DEFB123: variants seen among roughly 807,000 people sequenced by gnomAD.
DEFB123 encodes the protein beta-defensin 123.
For synonymous variants in DEFB123, 22 were observed against 28.3 expected, an observed-to-expected ratio of 0.78 and a Z score of 0.71; for missense variants, 71 against 75.0, an observed-to-expected ratio of 0.95 and a Z score of 0.20.
chr20:31,447,356 T>C (rs1600553331), intron 1 of DEFB123, among the ~76,000 whole-genome samples: 1 of 152,324 alleles, frequency 6.6e-6, no homozygotes, highest in Non-Finnish European at 1.5e-5. Context: ...TCTGATTCTC[T>C]TTACTCCTTT....
At chr20:31,449,767 CAAAAAAAAAA>C (rs59939526) in intron 1 of DEFB123, among the ~76,000 whole-genome samples, 1 of 52,484 alleles carries the variant, frequency 1.9e-5, no homozygotes, top group African/African-American at 5.4e-5. Context: ...AGACTCATCT[CAAAAAAAAAA>C]AAAAAAAAAA....
At position 31,445,255 on chromosome 20, in the gene DEFB123, A is replaced by C. The variant is rs574203102; in HGVS notation, c.58+4499A>C. On this transcript the variant is annotated intron_variant, in intron 1 of 1. Coordinates refer to ENST00000376309, the MANE Select transcript of DEFB123 (RefSeq NM_153324.4). ...TATGTTCTTTCATTAGGAGGCACAT[A>C]ATATCTGGTTGTCTGTCTTTTAGGA... 2.0e-4 allele frequency among the ~76,000 whole-genome samples: 30 copies of C among 152,338 alleles called. No individual in the cohort carries two copies. In the South Asian group the frequency reaches 6.2e-3, roughly 32 times the overall value.
chr20:31,449,408 A>G (rs1979679267), intron 1 of DEFB123, among the ~76,000 whole-genome samples: 1 of 152,136 alleles, frequency 6.6e-6, no homozygotes, highest in African/African-American at 2.4e-5. Flanking sequence ...AGCCCCCACT[A>G]CTAAGGCAAT....
At chr20:31,447,992 T>C (rs8115462) in intron 1 of DEFB123, among the ~76,000 whole-genome samples, 34,815 of 151,724 alleles carry the variant, frequency 0.23, 4,737 homozygotes, top group African/African-American at 0.36. Context: ...TTCACTGTGT[T>C]AGCCAGGATG....
At chr20:31,448,929 C>T (rs1467755419) in intron 1 of DEFB123, among the ~76,000 whole-genome samples, 4 of 147,102 alleles carry the variant, frequency 2.7e-5, no homozygotes, top group South Asian at 2.1e-4. Flanking sequence ...GGTTTCTCCA[C>T]GTTGGTCAGG....
At chr20:31,446,455 A>G (rs1035645744) in intron 1 of DEFB123, among the ~76,000 whole-genome samples, 5 of 152,364 alleles carry the variant, frequency 3.3e-5, no homozygotes, top group Admixed American at 1.3e-4. Context: ...GGGGAAGAAT[A>G]TAACGTTTCC....
intron 1 of DEFB123, among the ~76,000 whole-genome samples, chr20:31,449,150 T>C (rs914821516): frequency 6.6e-6 from 1 of 152,170 alleles, no homozygotes; most frequent in Non-Finnish European, 1.5e-5. Flanking sequence ...TTCATCATCA[T>C]TGTCATTTCT....
intron 1 of DEFB123, among the ~76,000 whole-genome samples, chr20:31,448,878 A>ATTTTTTTTTTTTTTTTTTTT (rs34804733): frequency 8.3e-6 from 1 of 119,980 alleles, no homozygotes. Flanking sequence ...CGCCCAGCTA[A>ATTTTTTTTTTTTTTTTTTTT]TTTTTTTTTT....
chr20:31,444,420 G>A (rs1278519508), intron 1 of DEFB123, among the ~76,000 whole-genome samples: 1 of 152,058 alleles, frequency 6.6e-6, no homozygotes, highest in East Asian at 1.9e-4. Flanking sequence ...CTGAGGGTAG[G>A]TGTCTCACTC....
intron 1 of DEFB123, among the ~76,000 whole-genome samples, chr20:31,447,410 T>C (rs562072252): frequency 6.6e-6 from 1 of 152,336 alleles, no homozygotes; most frequent in East Asian, 1.9e-4. Flanking sequence ...TTCTTCTGCC[T>C]GAATAACTTC....
chr20:31,443,630 T>G (rs1442487416), intron 1 of DEFB123, among the ~76,000 whole-genome samples: 2 of 152,104 alleles, frequency 1.3e-5, no homozygotes, highest in African/African-American at 4.8e-5. Context: ...AGTGTTCAGG[T>G]CAACCAGTAG....
At chr20:31,440,785 A>G (rs1979444121) in intron 1 of DEFB123, 29 bp downstream of exon 1, 2 of 1,611,762 alleles carry the variant, frequency 1.2e-6, no homozygotes, top group Middle Eastern at 1.7e-4. Context: ...AGGAAGGGGC[A>G]GGGCTTAGAG....
At chr20:31,447,740 C>T in intron 1 of DEFB123, among the ~76,000 whole-genome samples, 1 of 149,244 alleles carries the variant, frequency 6.7e-6, no homozygotes. Flanking sequence ...CCTCAGCCTC[C>T]CTAGTAGCTG....
chr20:31,444,166 C>T (rs1401877326), intron 1 of DEFB123, among the ~76,000 whole-genome samples: 1 of 152,082 alleles, frequency 6.6e-6, no homozygotes, highest in Admixed American at 6.5e-5. Flanking sequence ...AAATATGCAT[C>T]ACTTCAATAT....
At chr20:31,441,125 A>T (rs1273224902) in intron 1 of DEFB123, among the ~76,000 whole-genome samples, 1 of 152,184 alleles carries the variant, frequency 6.6e-6, no homozygotes, top group Admixed American at 6.5e-5. Context: ...CCTTAATGGG[A>T]GAGAAAGCTC....
intron 1 of DEFB123, among the ~76,000 whole-genome samples, chr20:31,449,014 C>T (rs1050763626): frequency 6.6e-6 from 1 of 151,994 alleles, no homozygotes; most frequent in Non-Finnish European, 1.5e-5. Context: ...AGGCTTGACC[C>T]ATCGTGCCCG....
intron 1 of DEFB123, among the ~76,000 whole-genome samples, chr20:31,443,257 C>T (rs1979509874): frequency 6.6e-6 from 1 of 152,180 alleles, no homozygotes; most frequent in Admixed American, 6.5e-5. Context: ...TCACACCCTC[C>T]CTTACTGCCT....
At chr20:31,444,933 G>T (rs1373718175) in intron 1 of DEFB123, among the ~76,000 whole-genome samples, 1 of 152,092 alleles carries the variant, frequency 6.6e-6, no homozygotes, top group Non-Finnish European at 1.5e-5. Flanking sequence ...TCATTGCTAG[G>T]GGGGCATCCC....
At chr20:31,443,682 T>C (rs997032999) in intron 1 of DEFB123, among the ~76,000 whole-genome samples, 3 of 152,214 alleles carry the variant, frequency 2.0e-5, no homozygotes, top group Non-Finnish European at 4.4e-5. Context: ...GTCCCTAGCT[T>C]GTTGGTGGGT....
Sources: gnomAD v4.1 joint callset for allele counts (sites outside exome capture counted in the v4.1 genomes callset) on GRCh38, gnomAD v4.1.1 for gene constraint, MANE v1.5 for transcripts, NCBI Gene and HGNC (gene_info 2026-07-23, HGNC 2026-07-21) for gene names.